LRFN5: variants seen among roughly 807,000 people sequenced by gnomAD.
The protein encoded by LRFN5 is leucine-rich repeat and fibronectin type-III domain-containing protein 5.
In LRFN5, 24 loss-of-function variants were observed where a neutral mutation model predicts 45.6. The ratio of observed to expected loss-of-function variants is 0.53; its 90% CI spans 0.38 to 0.74. The LOEUF is 0.74. Ranked by LOEUF, LRFN5 falls within the 30% of genes least tolerant of loss-of-function variation. LRFN5 has a pLI of 0.00. For synonymous variants in LRFN5, 340 were observed against 313.8 expected, an observed-to-expected ratio of 1.08 and a Z score of -0.88; for missense variants, 776 against 861.5, an observed-to-expected ratio of 0.90 and a Z score of 1.24.
intron 1 of LRFN5, among the ~76,000 whole-genome samples, chr14:41,678,128 A>G (rs1308103550): frequency 1.3e-5 from 2 of 152,076 alleles, no homozygotes; most frequent in Non-Finnish European, 1.5e-5. Context: ...CAACAACTAA[A>G]AAAGAGCTAG....
intron 2 of LRFN5, among the ~76,000 whole-genome samples, chr14:41,878,330 A>G (rs112335176): frequency 5.9e-5 from 9 of 152,184 alleles, no homozygotes; most frequent in African/African-American, 1.9e-4. Context: ...ATGGCAAAGT[A>G]GCTATGGAGG....
rs914212982 is a variant in LRFN5, at chr14:41,671,617, G to GTTTTTTTTTTTTTTTTTTTTTTTTTT, written c.-197+63075_-197+63076insTTTTTTTTTTTTTTTTTTTTTTTTTT. ...TGTGGAGGAGAGATTTTTTTTTTTCGTTTTTTTTTTTTTTTTTTTTACGGA... is the reference window on the plus strand; with the variant it reads ...TGTGGAGGAGAGATTTTTTTTTTTCGTTTTTTTTTTTTTTTTTTTTTTTTTTTTTTTTTTTTTTTTTTTTTTACGGA... On this transcript the variant is annotated intron_variant, in intron 1 of 5. Transcript: ENST00000298119. Among the ~76,000 whole-genome samples, 37 of 78,022 alleles carry GTTTTTTTTTTTTTTTTTTTTTTTTTT rather than the reference G, an allele frequency of 4.7e-4. 10 individuals are homozygous for GTTTTTTTTTTTTTTTTTTTTTTTTTT. The East Asian group carries it at 7.9e-3, about 17-fold the overall frequency. The allele number at this position is 78,022 out of a possible 152,430, so 51.2% of individuals were successfully genotyped here. A position where few individuals can be genotyped will look rare whatever the true frequency, so the allele number is the denominator to read the frequency against.
At chr14:41,866,264 T>C (rs570146996) in intron 2 of LRFN5, among the ~76,000 whole-genome samples, 1 of 152,278 alleles carries the variant, frequency 6.6e-6, no homozygotes, top group South Asian at 2.1e-4. Context: ...TCCTGGGAAT[T>C]CTGACAATTA....
At chr14:41,649,552 G>T (rs1480683529) in intron 1 of LRFN5, among the ~76,000 whole-genome samples, 1 of 152,038 alleles carries the variant, frequency 6.6e-6, no homozygotes, top group African/African-American at 2.4e-5. Context: ...GCCCATCTGT[G>T]CACTTCATTA....
intron 1 of LRFN5, among the ~76,000 whole-genome samples, chr14:41,755,551 G>A (rs1373214709): frequency 1.3e-5 from 2 of 152,112 alleles, no homozygotes; most frequent in Admixed American, 1.3e-4. Context: ...ATCTTTGTTG[G>A]TTTAAAGTCT....
In LRFN5 at chr14:41,887,970, A is replaced by G. The variant is rs1481898217; in HGVS notation, c.1345A>G (p.Ile449Val). Residue 449 changes from isoleucine (I) to valine (V), a missense_variant, in exon 3 of 6, where the codon ATC (isoleucine) becomes GTC (valine). Around this residue, in one of 2 missense-constraint regions of LRFN5, gnomAD observed 465 missense variants for 456.4 expected, o/e 1.02. Coordinates refer to ENST00000298119, the MANE Select transcript of LRFN5 (RefSeq NM_152447.5). The surrounding 1 kb of genome is among the most constrained non-coding windows in gnomAD (Gnocchi z 4.8). ...TATCCCTGGAATACGTATGTTTCAA[A>G]TCCAGTACAATGGTACTTATGATGA... ...RNIPGIRMFQ[I>V]QYNGTYDDTL... is the part of the protein sequence containing the mutation. The G allele has an allele frequency of 1.2e-6, 2 of 1,612,640 alleles. No homozygotes were observed. The highest frequency in any genetic ancestry group is 1.1e-5 in the South Asian group (1 of 90,776).
intron 2 of LRFN5, among the ~76,000 whole-genome samples, chr14:41,790,485 T>A (rs1886879810): frequency 6.6e-6 from 1 of 151,816 alleles, no homozygotes; most frequent in Non-Finnish European, 1.5e-5. Flanking sequence ...ATAATTTATT[T>A]TAATATGTTT....
Position 41,738,732 on chromosome 14 carries a change from C to G in LRFN5, c.-196-28122C>G, listed in dbSNP as rs778279591. 5.9e-5 allele frequency among the ~76,000 whole-genome samples: 9 copies of G among 152,238 alleles called. No individual in the cohort carries two copies. The South Asian group carries it at 1.5e-3, about 25-fold the overall frequency. On this transcript the variant is annotated intron_variant, in intron 1 of 5. Coordinates refer to ENST00000298119, the MANE Select transcript of LRFN5 (RefSeq NM_152447.5). ...TGCTCATCATTACATTATGGAATCT[C>G]TGATAGCTTTCAATATTCTCCCTTT...
chr14:41,708,412 T>G (rs1475372108), intron 1 of LRFN5, among the ~76,000 whole-genome samples: 1 of 152,008 alleles, frequency 6.6e-6, no homozygotes, highest in Non-Finnish European at 1.5e-5. Context: ...TGCTAAAGAT[T>G]AAGAACTTTT....
At chr14:41,849,910 C>T (rs1889206124) in intron 2 of LRFN5, among the ~76,000 whole-genome samples, 1 of 151,712 alleles carries the variant, frequency 6.6e-6, no homozygotes, top group Non-Finnish European at 1.5e-5. Flanking sequence ...TAAAAGAAAA[C>T]TTGTTTATAA....
At chr14:41,803,244 G>A (rs150311099) in intron 2 of LRFN5, among the ~76,000 whole-genome samples, 1,528 of 152,224 alleles carry the variant, frequency 0.01, 24 homozygotes, top group African/African-American at 0.035. Flanking sequence ...TGGATGTGCA[G>A]TTTTTAAGTT....
intron 2 of LRFN5, among the ~76,000 whole-genome samples, chr14:41,846,713 G>A (rs1025180232): frequency 6.6e-6 from 1 of 152,146 alleles, no homozygotes; most frequent in African/African-American, 2.4e-5. Flanking sequence ...AACCCCAGGT[G>A]TGAGCAATGC....
chr14:41,897,707 A>G (rs1890985000), intron 4 of LRFN5, among the ~76,000 whole-genome samples: 1 of 152,108 alleles, frequency 6.6e-6, no homozygotes, highest in Non-Finnish European at 1.5e-5. Flanking sequence ...AATTTTCTGC[A>G]TTTTTTAATT....
intron 1 of LRFN5, among the ~76,000 whole-genome samples, chr14:41,730,940 G>A (rs1462678516): frequency 6.6e-6 from 1 of 151,948 alleles, no homozygotes; most frequent in African/African-American, 2.4e-5. Flanking sequence ...CTGCTCATTT[G>A]GTGGGTAGTA....
At chr14:41,626,378 A>G (rs1036872566) in intron 1 of LRFN5, among the ~76,000 whole-genome samples, 2 of 152,262 alleles carry the variant, frequency 1.3e-5, no homozygotes, top group Admixed American at 1.3e-4. Context: ...CTACAATGTA[A>G]TTTGTACTAT....
chr14:41,621,476 T>C (rs543202123), intron 1 of LRFN5, among the ~76,000 whole-genome samples: 1 of 152,208 alleles, frequency 6.6e-6, no homozygotes, highest in East Asian at 1.9e-4. Context: ...AAATGATAAA[T>C]TGGCTATGTA....
chr14:41,680,147 T>A (rs887502249), intron 1 of LRFN5, among the ~76,000 whole-genome samples: 4 of 152,148 alleles, frequency 2.6e-5, no homozygotes, highest in African/African-American at 9.7e-5. Context: ...AGGCTCTGGA[T>A]TCTGGACAAC....
chr14:41,750,030 A>C (rs1283250001), intron 1 of LRFN5, among the ~76,000 whole-genome samples: 1 of 152,012 alleles, frequency 6.6e-6, no homozygotes, highest in Non-Finnish European at 1.5e-5. Context: ...TTCTATATTA[A>C]AACATATTTT....
chr14:41,901,157 T>G (rs1307460466), intron 5 of LRFN5, among the ~76,000 whole-genome samples: 1 of 151,926 alleles, frequency 6.6e-6, no homozygotes, highest in African/African-American at 2.4e-5. Flanking sequence ...ATCATAAAAT[T>G]TTAATCACAC....
Sources: gnomAD v4.1 joint callset for allele counts (sites outside exome capture counted in the v4.1 genomes callset) on GRCh38, gnomAD v4.1.1 for gene constraint, gnomAD v4.1.1 regional missense constraint, Gnocchi (gnomAD v3.1) non-coding constraint, MANE v1.5 for transcripts, NCBI Gene and HGNC (gene_info 2026-07-23, HGNC 2026-07-21) for gene names.